Variants in EIF2S3B observed in about 807,000 individuals in gnomAD.
The protein encoded by EIF2S3B is eukaryotic translation initiation factor 2 subunit 3B.
EIF2S3B carries 16 observed loss-of-function variants against 26.4 expected under a neutral mutation model. That is an observed-to-expected ratio of 0.61 (90% CI 0.41 to 0.92). The LOEUF (loss-of-function observed/expected upper bound fraction) is 0.92. Ranked by LOEUF, EIF2S3B falls within the 40% of genes least tolerant of loss-of-function variation. The probability of loss-of-function intolerance (pLI) is 0.00; values close to 1 mark genes in which losing one functional copy is unlikely to be tolerated. For synonymous variants in EIF2S3B, 183 were observed against 204.4 expected (o/e 0.90, Z 0.89); for missense variants, 510 against 575.5 (o/e 0.89, Z 1.16).
chr12:10,510,394 G>T (rs79185657), downstream of EIF2S3B, among the ~76,000 whole-genome samples: 1,036 of 152,240 alleles, frequency 6.8e-3, 10 homozygotes, highest in African/African-American at 0.024. Context: ...AAACATACCT[G>T]CTCCTCTTTG....
At position 10,506,960 on chromosome 12, in the gene EIF2S3B, T is replaced by C. The variant is rs770945365; in HGVS notation, c.1058T>C (p.Met353Thr). The C allele has an allele frequency of 1.6e-5, 26 of 1,613,704 alleles. No homozygotes were observed. Among genetic ancestry groups the C allele is most frequent in the Admixed American group, 5.0e-5 (3 of 59,994 alleles). The change falls in exon 1 of 1, where the codon ATG becomes ACG. Residue 353 changes from methionine (M) to threonine (T), a missense_variant. Met to Thr is a moderately conservative substitution (Grantham distance 81). Coordinates refer to ENST00000538173, the MANE Select transcript of EIF2S3B (RefSeq NM_001357734.3). Reference sequence around the variant, plus strand: ...CCCACTTTGTGCCGGGCTGACAGAATGGTGGGGCAAATACTTGGTGCAGTC... The same window carrying C: ...CCCACTTTGTGCCGGGCTGACAGAACGGTGGGGCAAATACTTGGTGCAGTC... ...IDPTLCRADR[M>T]VGQILGAVGA...
intron 1 of EIF2S3B, among the ~76,000 whole-genome samples, chr12:10,515,649 T>G (rs902362162): frequency 2.0e-5 from 3 of 152,056 alleles, no homozygotes; most frequent in African/African-American, 7.2e-5. Flanking sequence ...GGACATCAAA[T>G]TTATTCTCTT....
chr12:10,510,391 C>A (rs1020477735), downstream of EIF2S3B, among the ~76,000 whole-genome samples: 1 of 152,122 alleles, frequency 6.6e-6, no homozygotes, highest in Non-Finnish European at 1.5e-5. Context: ...AATAAACATA[C>A]CTGCTCCTCT....
At chr12:10,510,141 T>C (rs1864689993), downstream of EIF2S3B, among the ~76,000 whole-genome samples, 1 of 152,198 alleles carries the variant, frequency 6.6e-6, no homozygotes, top group African/African-American at 2.4e-5. Flanking sequence ...TATACTAAAA[T>C]ATGAAGATGT....
At chr12:10,510,266 CAG>C (rs1864691416), downstream of EIF2S3B, among the ~76,000 whole-genome samples, 1 of 152,088 alleles carries the variant, frequency 6.6e-6, no homozygotes, top group Non-Finnish European at 1.5e-5. Context: ...AAATGTGCAC[CAG>C]TACTAAAGGT....
intron 1 of EIF2S3B, among the ~76,000 whole-genome samples, chr12:10,521,395 T>C (rs2137958189): frequency 6.6e-6 from 1 of 152,272 alleles, no homozygotes; most frequent in African/African-American, 2.4e-5. Context: ...TGTTTTTTTT[T>C]CAATTTATAG....
downstream of EIF2S3B, among the ~76,000 whole-genome samples, chr12:10,508,689 A>T (rs1463340826): frequency 6.6e-6 from 1 of 152,042 alleles, no homozygotes; most frequent in Admixed American, 6.5e-5. Flanking sequence ...ACATTAAAAT[A>T]TATTCCCTTA....
At chr12:10,509,739 G>C (rs1223732779), downstream of EIF2S3B, among the ~76,000 whole-genome samples, 1 of 151,754 alleles carries the variant, frequency 6.6e-6, no homozygotes, top group Non-Finnish European at 1.5e-5. Context: ...ATCTTAATCA[G>C]ATAAATATCA....
chr12:10,521,674 G>A (rs796235588), intron 1 of EIF2S3B, among the ~76,000 whole-genome samples: 1 of 152,102 alleles, frequency 6.6e-6, no homozygotes, highest in Non-Finnish European at 1.5e-5. Context: ...AGTTAACTAA[G>A]GGTGTAAGGA....
downstream of EIF2S3B, among the ~76,000 whole-genome samples, chr12:10,511,296 G>A (rs1488411617): frequency 6.6e-6 from 1 of 151,912 alleles, no homozygotes; most frequent in African/African-American, 2.4e-5. Context: ...GGGTTTAATG[G>A]AAAATCATTT....
chr12:10,507,059 C>G lies in EIF2S3B; in HGVS notation c.1157C>G (p.Thr386Ser). ...CTTAGACGGCTTCTAGGTGTACGCA[C>G]TGAAGGAGACAAGAAAGCAGCAAAG... is the stretch of plus-strand genomic sequence containing the variant. ...FLLRRLLGVR[T>S]EGDKKAAKVQ... is the part of the protein sequence containing the mutation. Residue 386 changes from threonine (T) to serine (S), a missense_variant, in exon 1 of 1, where the codon ACT (threonine) becomes AGT (serine). Coordinates refer to ENST00000538173, the MANE Select transcript of EIF2S3B (RefSeq NM_001357734.3). 1 of 1,613,694 alleles carries G rather than the reference C, an allele frequency of 6.2e-7. No homozygotes were observed. The highest frequency in any genetic ancestry group is 8.5e-7 in the Non-Finnish European group (1 of 1,179,698).
rs1864631868 is a variant in EIF2S3B, at chr12:10,506,477, T to C, written c.575T>C (p.Ile192Thr). Residue 192 changes from isoleucine (I) to threonine (T), a missense_variant, in exon 1 of 1, where the codon ATT becomes ACT. Coordinates refer to ENST00000538173, the MANE Select transcript of EIF2S3B (RefSeq NM_001357734.3). ...LKHILILQNK[I>T]DLVKERQAKE... ...CATATTTTGATTCTACAAAATAAAA[T>C]TGATTTGGTAAAAGAAAGGCAGGCT... 2.5e-6 allele frequency: 4 copies of C among 1,610,730 alleles called. No individual in the cohort carries two copies. Among genetic ancestry groups the C allele is most frequent in the Non-Finnish European group, 2.5e-6 (3 of 1,176,872 alleles).
chr12:10,507,297 CA>C lies in EIF2S3B; in HGVS notation c.1397del (p.Lys466SerfsTer4). 3.7e-6 allele frequency: 6 copies of C among 1,613,306 alleles called. No individual in the cohort carries two copies. Among genetic ancestry groups the C allele is most frequent in the Non-Finnish European group, 5.1e-6 (6 of 1,179,282 alleles). ...GTCAGATAAGAAGAGGAGTGACAAT[CA>C]AGCCAACAGTAGATGATGACTGAAG... ...WGQIRRGVTI[K>X]PTVDDD is the part of the protein sequence containing the mutation. On this transcript the variant is annotated frameshift_variant, in exon 1 of 1. Transcript: ENST00000538173. LOFTEE classifies it high-confidence loss of function.
Position 10,507,354 on chromosome 12 carries a change from G to A in EIF2S3B, c.*33G>A. 2 of 1,610,364 alleles carry A rather than the reference G, an allele frequency of 1.2e-6. No homozygotes were observed. Among genetic ancestry groups the A allele is most frequent in the Non-Finnish European group, 1.7e-6 (2 of 1,176,726 alleles). Reference sequence around the variant, plus strand: ...CGGTTAAATAATACATTCGGATGGAGCTGGAAGTTGCAATTTCTCTTTAAC... The same window carrying A: ...CGGTTAAATAATACATTCGGATGGAACTGGAAGTTGCAATTTCTCTTTAAC... On this transcript the variant is annotated 3_prime_UTR_variant, in exon 1 of 1. Transcript: ENST00000538173.
At chr12:10,519,537 T>A (rs374102151) in intron 1 of EIF2S3B, among the ~76,000 whole-genome samples, 1 of 151,874 alleles carries the variant, frequency 6.6e-6, no homozygotes, top group Non-Finnish European at 1.5e-5. Flanking sequence ...AGAGCTTCTG[T>A]ACAGCAAAAG....
intron 1 of EIF2S3B, among the ~76,000 whole-genome samples, chr12:10,518,946 T>C (rs374842649): frequency 6.6e-6 from 1 of 151,902 alleles, no homozygotes; most frequent in Non-Finnish European, 1.5e-5. Flanking sequence ...AGGTAATTTA[T>C]AGATTCAATG....
chr12:10,519,312 C>A lies in EIF2S3B; in HGVS notation c.1309-3291C>A, dbSNP rs371067900. 6.7e-3 allele frequency among the ~76,000 whole-genome samples: 1,012 copies of A among 151,384 alleles called. 11 individuals carry two copies. Among genetic ancestry groups the A allele is most frequent in the African/African-American group, 0.022 (925 of 41,370 alleles). ...GGGAAAACTGGCTAGCCATATGTAG[C>A]AAGCTGAAACTGGATCCCTTCCTTA... On this transcript the variant is annotated intron_variant, in intron 1 of 1. Transcript: ENST00000322446.
chr12:10,518,429 C>A (rs1423034446), intron 1 of EIF2S3B, among the ~76,000 whole-genome samples: 4 of 151,902 alleles, frequency 2.6e-5, no homozygotes, highest in African/African-American at 7.3e-5. Flanking sequence ...CAACCCCTGC[C>A]TTTTTTTGTT....
chr12:10,516,669 G>C (rs1383616311), intron 1 of EIF2S3B, among the ~76,000 whole-genome samples: 1 of 151,664 alleles, frequency 6.6e-6, no homozygotes, highest in Non-Finnish European at 1.5e-5. Flanking sequence ...TGGTGAGAGA[G>C]GGCATCCCTG....
Sources: allele counts gnomAD v4.1 joint callset (sites outside exome capture counted in the v4.1 genomes callset), GRCh38; gene constraint gnomAD v4.1.1; transcripts MANE v1.5; gene names NCBI Gene and HGNC (gene_info 2026-07-23, HGNC 2026-07-21).